The following EVL variants were observed in gnomAD, a reference collection of about 807,000 sequenced individuals.
EVL encodes the protein Enah/Vasp-like, also known as ena/VASP-like protein.
EVL carries 21 observed loss-of-function variants against 59.6 expected under a neutral mutation model. That is an observed-to-expected ratio of 0.35 (90% CI 0.25 to 0.51). EVL has a LOEUF of 0.51. Among genes scored for constraint, EVL ranks in the 20% least tolerant of loss-of-function variants. The pLI is 0.97. For synonymous variants in EVL, 198 were observed against 203.5 expected (o/e 0.97, Z 0.23); for missense variants, 462 against 546.6 (o/e 0.85, Z 1.54).
intron 3 of EVL, among the ~76,000 whole-genome samples, chr14:100,101,133 G>A (rs1886191423): frequency 1.3e-5 from 2 of 152,180 alleles, no homozygotes; most frequent in African/African-American, 4.8e-5. Flanking sequence ...GCCGAGGTGG[G>A]CAGATCACCT....
chr14:100,100,931 AT>A (rs1886176149), intron 3 of EVL, among the ~76,000 whole-genome samples: 1 of 152,074 alleles, frequency 6.6e-6, no homozygotes, highest in African/African-American at 2.4e-5. Context: ...ATTTTCCACG[AT>A]TATCCTCATG....
intron 13 of EVL, 195 bp downstream of exon 13, chr14:100,141,988 A>G: frequency 2.1e-6 from 1 of 486,860 alleles, no homozygotes; most frequent in Non-Finnish European, 3.7e-6. Flanking sequence ...CTTGCCTAAG[A>G]ATTTGTAGCT....
At chr14:100,125,282 AC>A (rs1887998713) in intron 4 of EVL, among the ~76,000 whole-genome samples, 2 of 149,206 alleles carry the variant, frequency 1.3e-5, no homozygotes, top group African/African-American at 4.9e-5. Context: ...ACACACACAC[AC>A]ACACACACAC....
intron 1 of EVL, among the ~76,000 whole-genome samples, chr14:100,056,883 T>C (rs1358337504): frequency 6.6e-6 from 1 of 151,084 alleles, no homozygotes; most frequent in East Asian, 1.9e-4. Flanking sequence ...TACCAAGAAT[T>C]GGGCTGCCCA....
At chr14:100,085,406 G>A (rs1038011187) in intron 2 of EVL, among the ~76,000 whole-genome samples, 1 of 152,170 alleles carries the variant, frequency 6.6e-6, no homozygotes, top group African/African-American at 2.4e-5. Flanking sequence ...TCATATACAC[G>A]TAATTAATGG....
rs191554104 is a variant in EVL at position 99,987,566 on chromosome 14, C to T, written c.5+15509C>T. Among the ~76,000 whole-genome samples, 13 of 152,272 alleles carry T rather than the reference C, an allele frequency of 8.5e-5. No homozygotes were observed. In the East Asian group the frequency reaches 2.1e-3, roughly 25 times the overall value. On this transcript the variant is annotated intron_variant, in intron 1 of 13. Transcript: ENST00000402714. Reference sequence around the variant, plus strand: ...CTGAGGAAGGAGAATCACTTGAACCCGGGAGGTGGAGGTTGCAGTGAGCCG... The same window carrying T: ...CTGAGGAAGGAGAATCACTTGAACCTGGGAGGTGGAGGTTGCAGTGAGCCG...
Position 100,109,185 on chromosome 14 carries a change from G to T in EVL, c.358+11527G>T, listed in dbSNP as rs1296677477. ...TCTCTCCCCTGACACTCTCTCCCCT[G>T]AAGTGTTGTAATGGGGTTGTAACCC... On this transcript the variant is annotated intron_variant, in intron 3 of 13. Coordinates refer to ENST00000392920, the MANE Select transcript of EVL (RefSeq NM_016337.3). The surrounding 1 kb of genome is among the most constrained non-coding windows in gnomAD (Gnocchi z 4.3). Among the ~76,000 whole-genome samples the T allele has an allele frequency of 2.6e-5, 4 of 152,202 alleles. No individual in the cohort carries two copies. The highest frequency in any genetic ancestry group is 5.9e-5 in the Non-Finnish European group (4 of 68,034).
At position 100,128,816 on chromosome 14, in the gene EVL, G is replaced by C. The variant is rs1888252777; in HGVS notation, c.717+68G>C. The C allele has an allele frequency of 5.0e-6, 7 of 1,399,608 alleles. No homozygotes were observed. In the Admixed American group the frequency reaches 1.1e-4, roughly 21 times the overall value. 86.7% of individuals were successfully genotyped at this position (1,399,608 alleles called of 1,614,324 possible). A position where few individuals can be genotyped will look rare whatever the true frequency, so the allele number is the denominator to read the frequency against. ...CCCTTGTGCCATCTGCAGAGCGCTTGTGTTCCTTCCCGCATCTGCGAGACA... is the reference window on the plus strand; with the variant it reads ...CCCTTGTGCCATCTGCAGAGCGCTTCTGTTCCTTCCCGCATCTGCGAGACA... On this transcript the variant is annotated intron_variant, in intron 6 of 13. Transcript: ENST00000392920.
rs746584240 is a variant in EVL at position 100,084,729 on chromosome 14, C to T, written c.54C>T (p.Tyr18=). 2.2e-5 allele frequency: 36 copies of T among 1,614,028 alleles called. 1 individual carries two copies. The South Asian group carries it at 2.5e-4, about 11-fold the overall frequency. The stretch of plus-strand genomic sequence containing the variant: ...AAGCCCGGGCTTCCGTGATGGTCTA[C>T]GATGACACCAGTAAGAAATGGGTAC... ...ICQARASVMV[Y]DDTSKKWVPI... Residue 18 remains tyrosine (Y), a synonymous_variant, in exon 2 of 14, where the codon TAC becomes TAT. Coordinates refer to ENST00000392920, the MANE Select transcript of EVL (RefSeq NM_016337.3).
intron 1 of EVL, among the ~76,000 whole-genome samples, chr14:99,984,205 C>T (rs1411909763): frequency 4.6e-5 from 7 of 152,192 alleles, no homozygotes; most frequent in Non-Finnish European, 1.5e-5. Context: ...TAATGCATTA[C>T]TGAGGTGTCA....
chr14:100,135,914 A>T lies in EVL; in HGVS notation c.910A>T (p.Ser304Cys). 1 of 1,613,968 alleles carries T rather than the reference A, an allele frequency of 6.2e-7. No homozygotes were observed. The highest frequency in any genetic ancestry group is 8.5e-7 in the Non-Finnish European group (1 of 1,179,992). Residue 304 changes from serine to cysteine, a missense_variant, in exon 9 of 14, where the codon AGT becomes TGT. Coordinates refer to ENST00000392920, the MANE Select transcript of EVL (RefSeq NM_016337.3). ...TTCTTCTCCATTTTAGGAAGATCCT[A>T]GTACCTCCCCCTCTCCGGGGACCCG... Reference protein sequence around the residue: ...KEDESQMEDPSTSPSPGTRAA... With the variant: ...KEDESQMEDPCTSPSPGTRAA...
intron 3 of EVL, 83 bp downstream of exon 3, chr14:100,097,741 A>G (rs1490347467): frequency 1.5e-6 from 2 of 1,320,568 alleles, no homozygotes; most frequent in African/African-American, 3.0e-5. Flanking sequence ...CTCTCCGGGT[A>G]TCCTAGCACT....
Position 100,144,129 on chromosome 14 carries a change from C to T in EVL, c.*391C>T, listed in dbSNP as rs1889380026. On this transcript the variant is annotated 3_prime_UTR_variant, in exon 14 of 14. Transcript: ENST00000392920. ...CCCAGCGTGGCGCCACCACACACCGCAGAGCTGTCCAGGCACAGCTCCGTC... is the reference window on the plus strand; with the variant it reads ...CCCAGCGTGGCGCCACCACACACCGTAGAGCTGTCCAGGCACAGCTCCGTC... 1 of 288,462 alleles carries T rather than the reference C, an allele frequency of 3.5e-6. No homozygotes were observed. The highest frequency in any genetic ancestry group is 4.8e-5 in the Admixed American group (1 of 20,686). 17.9% of individuals were successfully genotyped at this position (288,462 alleles called of 1,614,324 possible).
At chr14:100,019,688 G>A (rs2061086735) in intron 1 of EVL, 1 of 1,533,320 alleles carries the variant, frequency 6.5e-7, no homozygotes, top group Non-Finnish European at 8.7e-7. Context: ...AAGAATTCAG[G>A]TATGTTCTGG....
chr14:100,087,064 A>T (rs1307927762), intron 2 of EVL, among the ~76,000 whole-genome samples: 1 of 152,196 alleles, frequency 6.6e-6, no homozygotes, highest in East Asian at 1.9e-4. Flanking sequence ...TTTATAACTA[A>T]ATAGGGATAT....
chr14:100,092,182 C>T (rs887114996), intron 2 of EVL, among the ~76,000 whole-genome samples: 4 of 152,088 alleles, frequency 2.6e-5, no homozygotes, highest in African/African-American at 9.7e-5. Flanking sequence ...TTTGAGGCTG[C>T]AGTGAGCCAT....
chr14:100,113,284 G>A (rs572345808), intron 3 of EVL, among the ~76,000 whole-genome samples: 44 of 152,264 alleles, frequency 2.9e-4, no homozygotes, highest in Non-Finnish European at 4.9e-4. Flanking sequence ...GGCTTTGAGC[G>A]TAACATCCCA....
intron 1 of EVL, among the ~76,000 whole-genome samples, chr14:100,002,747 G>A (rs2060953781): frequency 6.6e-6 from 1 of 152,072 alleles, no homozygotes; most frequent in Admixed American, 6.5e-5. Context: ...TCACAAAATA[G>A]GATCACAAGT....
chr14:100,065,492 T>C lies in EVL; in HGVS notation c.-9T>C. On this transcript the variant is annotated 5_prime_UTR_variant, in exon 1 of 14. Coordinates refer to ENST00000392920, the MANE Select transcript of EVL (RefSeq NM_016337.3). ...TCCTCAGGGTTCCCTGTGCTGCCAC[T>C]TTTCAGCCATGGCCACAAGGTGAGT... The C allele has an allele frequency of 6.6e-7, 1 of 1,519,448 alleles. No individual in the cohort carries two copies. Among genetic ancestry groups the C allele is most frequent in the Non-Finnish European group, 8.9e-7 (1 of 1,122,520 alleles). 94.1% of individuals were successfully genotyped at this position (1,519,448 alleles called of 1,614,324 possible).
Sources: gnomAD v4.1 joint callset for allele counts (sites outside exome capture counted in the v4.1 genomes callset) on GRCh38, gnomAD v4.1.1 for gene constraint, Gnocchi (gnomAD v3.1) non-coding constraint, MANE v1.5 for transcripts, NCBI Gene and HGNC (gene_info 2026-07-23, HGNC 2026-07-21) for gene names.